Variants in ATP8A1 observed in about 807,000 individuals in gnomAD.
The protein encoded by ATP8A1 is ATPase phospholipid transporting 8A1.
ATP8A1 carries 90 observed loss-of-function variants against 177.7 expected under a neutral mutation model. The observed-to-expected ratio is 0.51, with a 90% confidence interval of 0.43 to 0.60. The LOEUF is 0.60. ATP8A1 is among the 20% of genes least tolerant of loss of function. The probability of loss-of-function intolerance (pLI) is 0.00; values close to 1 mark genes in which losing one functional copy is unlikely to be tolerated. For missense variants in ATP8A1, 1,072 were observed against 1,392.8 expected (o/e 0.77, Z 3.67); for synonymous variants, 493 against 485.9 (o/e 1.01, Z -0.19).
chr4:42,521,845 T>A (rs1726160865), intron 22 of ATP8A1, among the ~76,000 whole-genome samples: 1 of 152,198 alleles, frequency 6.6e-6, no homozygotes, highest in Non-Finnish European at 1.5e-5. Context: ...TGTGCGTGTG[T>A]GTAGGGGCAT....
rs932586780 is a variant in ATP8A1 at position 42,579,731 on chromosome 4, C to T, written c.1000+82G>A. On this transcript the variant is annotated intron_variant, in intron 11 of 36. Transcript: ENST00000381668. ...CAACAAGGTCTTTTTAGAAACAATA[C>T]GAAATAAAGTAAATCAAGATCAATT... 70 of 1,252,216 alleles carry T rather than the reference C, an allele frequency of 5.6e-5. 1 individual carries two copies. The highest frequency in any genetic ancestry group is 1.8e-4 in the South Asian group (13 of 71,144). The allele number at this position is 1,252,216 out of a possible 1,614,324, so 77.6% of individuals were successfully genotyped here. A position where few individuals can be genotyped will look rare whatever the true frequency, so the allele number is the denominator to read the frequency against.
At chr4:42,651,708 A>G (rs1741113905) in intron 1 of ATP8A1, among the ~76,000 whole-genome samples, 1 of 152,172 alleles carries the variant, frequency 6.6e-6, no homozygotes, top group Non-Finnish European at 1.5e-5. Flanking sequence ...GGCTAAAACT[A>G]TTGTACATGA....
chr4:42,522,412 C>A, intron 21 of ATP8A1, 113 bp from the exon 22 acceptor site: 1 of 1,216,430 alleles, frequency 8.2e-7, no homozygotes, highest in Non-Finnish European at 1.2e-6. Context: ...TCCATACAAA[C>A]AATATGATGA....
At chr4:42,585,038 C>T (rs1176734439) in intron 9 of ATP8A1, among the ~76,000 whole-genome samples, 1 of 152,088 alleles carries the variant, frequency 6.6e-6, no homozygotes, top group Non-Finnish European at 1.5e-5. Context: ...ACAATTATTC[C>T]AGGCACTTTT....
intron 30 of ATP8A1, among the ~76,000 whole-genome samples, chr4:42,450,553 A>G (rs1717827238): frequency 6.6e-6 from 1 of 152,240 alleles, no homozygotes; most frequent in African/African-American, 2.4e-5. Flanking sequence ...CAGGGTCAAT[A>G]TTCTACACTT....
At chr4:42,498,603 A>G (rs986088734) in intron 24 of ATP8A1, among the ~76,000 whole-genome samples, 1 of 152,194 alleles carries the variant, frequency 6.6e-6, no homozygotes, top group Admixed American at 6.6e-5. Context: ...TTAAGTAGAG[A>G]ACTTTAAGTA....
intron 35 of ATP8A1, among the ~76,000 whole-genome samples, chr4:42,422,399 C>A (rs1714069171): frequency 6.6e-6 from 1 of 152,166 alleles, no homozygotes; most frequent in Non-Finnish European, 1.5e-5. Context: ...CAATTACATA[C>A]ATTTTATTAT....
At chr4:42,473,020 AG>A (rs1425913031) in intron 25 of ATP8A1, among the ~76,000 whole-genome samples, 1 of 152,222 alleles carries the variant, frequency 6.6e-6, no homozygotes, top group Non-Finnish European at 1.5e-5. Context: ...GAAAAGTATC[AG>A]GGAAGTTCTA....
chr4:42,589,042 G>A (rs1416774077), intron 7 of ATP8A1, among the ~76,000 whole-genome samples: 1 of 152,094 alleles, frequency 6.6e-6, no homozygotes, highest in Non-Finnish European at 1.5e-5. Context: ...GCACTTCATG[G>A]GTTCCCCACC....
chr4:42,460,379 C>CTTT (rs35296572), intron 27 of ATP8A1, among the ~76,000 whole-genome samples: 42 of 94,584 alleles, frequency 4.4e-4, no homozygotes, highest in Non-Finnish European at 5.2e-4. Context: ...ATGGATGGAT[C>CTTT]TTTTTTTTTT....
intron 6 of ATP8A1, among the ~76,000 whole-genome samples, chr4:42,597,066 A>G (rs1223957183): frequency 3.9e-5 from 6 of 152,172 alleles, no homozygotes; most frequent in Admixed American, 6.5e-5. Context: ...TAAACCACTA[A>G]TATCTGAGAG....
At chr4:42,607,122 TG>T (rs1399226668) in intron 5 of ATP8A1, among the ~76,000 whole-genome samples, 14 of 152,214 alleles carry the variant, frequency 9.2e-5, no homozygotes, top group Admixed American at 2.6e-4. Context: ...GTTCAACACT[TG>T]CTGCATGGGC....
chr4:42,570,057 T>C (rs1731751215), intron 14 of ATP8A1, among the ~76,000 whole-genome samples: 1 of 152,236 alleles, frequency 6.6e-6, no homozygotes, highest in African/African-American at 2.4e-5. Flanking sequence ...ACTGTTATTT[T>C]TGACGAATAT....
chr4:42,525,360 T>C (rs1726571352), intron 20 of ATP8A1, among the ~76,000 whole-genome samples: 1 of 152,166 alleles, frequency 6.6e-6, no homozygotes, highest in African/African-American at 2.4e-5. Flanking sequence ...CAGAACTTTT[T>C]AGGGTTTAGA....
chr4:42,614,683 T>C (rs1409212863), intron 5 of ATP8A1, among the ~76,000 whole-genome samples: 1 of 152,204 alleles, frequency 6.6e-6, no homozygotes, highest in African/African-American at 2.4e-5. Flanking sequence ...TTCAAGACCC[T>C]ATACAATTCA....
intron 22 of ATP8A1, among the ~76,000 whole-genome samples, chr4:42,520,153 G>A (rs1725967355): frequency 6.6e-6 from 1 of 152,184 alleles, no homozygotes; most frequent in Non-Finnish European, 1.5e-5. Flanking sequence ...CATCCAGAGA[G>A]TAAGGATATT....
intron 20 of ATP8A1, among the ~76,000 whole-genome samples, chr4:42,534,266 C>CA (rs1047221375): frequency 3.3e-5 from 5 of 151,788 alleles, no homozygotes; most frequent in African/African-American, 1.2e-4. Context: ...TAAATAAATC[C>CA]AAAAAATGAT....
intron 6 of ATP8A1, among the ~76,000 whole-genome samples, chr4:42,597,243 T>C (rs1442274312): frequency 6.6e-6 from 1 of 152,218 alleles, no homozygotes; most frequent in African/African-American, 2.4e-5. Flanking sequence ...CCTTGGCATG[T>C]AGACGACACT....
At chr4:42,472,927 T>A (rs933187339) in intron 25 of ATP8A1, among the ~76,000 whole-genome samples, 1 of 152,164 alleles carries the variant, frequency 6.6e-6, no homozygotes. Context: ...GTTTCAAAAA[T>A]GACCCTGAGG....
Sources: gnomAD v4.1 joint callset for allele counts (sites outside exome capture counted in the v4.1 genomes callset) on GRCh38, gnomAD v4.1.1 for gene constraint, MANE v1.5 for transcripts, NCBI Gene and HGNC (gene_info 2026-07-23, HGNC 2026-07-21) for gene names.